UNC5C: variants seen among roughly 807,000 people sequenced by gnomAD.
The protein encoded by UNC5C is netrin receptor UNC5C.
UNC5C carries 47 observed loss-of-function variants against 99.8 expected under a neutral mutation model. The observed-to-expected ratio is 0.47, with a 90% CI of 0.37 to 0.60. The LOEUF (loss-of-function observed/expected upper bound fraction) is 0.60, where lower values mean the gene tolerates loss of function less well. Ranked by LOEUF, UNC5C falls within the 20% of genes least tolerant of loss-of-function variation. The probability of loss-of-function intolerance (pLI) is 0.00; values close to 1 mark genes in which losing one functional copy is unlikely to be tolerated. For synonymous variants in UNC5C, 487 were observed against 452.2 expected, an observed-to-expected ratio of 1.08 and a Z score of -0.98; for missense variants, 1,062 against 1,165.9, an observed-to-expected ratio of 0.91 and a Z score of 1.30.
chr4:95,234,781 C>T (rs1390580020), intron 7 of UNC5C, among the ~76,000 whole-genome samples: 2 of 152,110 alleles, frequency 1.3e-5, no homozygotes, highest in East Asian at 3.9e-4. Context: ...CAGTGTAATA[C>T]ATATATATTA....
chr4:95,209,484 T>C (rs555021142), intron 10 of UNC5C, among the ~76,000 whole-genome samples: 1 of 152,312 alleles, frequency 6.6e-6, no homozygotes, highest in African/African-American at 2.4e-5. Flanking sequence ...TTTTCTTTCT[T>C]CCTATTTAGA....
intron 12 of UNC5C, among the ~76,000 whole-genome samples, chr4:95,186,324 A>G (rs1167285484): frequency 6.6e-6 from 1 of 152,218 alleles, no homozygotes; most frequent in African/African-American, 2.4e-5. Context: ...GTTCATTCAG[A>G]CTGTAACATG....
Position 95,330,835 on chromosome 4 carries a change from T to A in UNC5C, c.346+4575A>T, listed in dbSNP as rs534484891. On this transcript the variant is annotated intron_variant, in intron 2 of 15. Transcript: ENST00000453304. ...ACTTCATTCTTTTTATTTGTAGTAA[T>A]TTATGGGATATAAGTATAATTTGTT... 1.1e-4 allele frequency among the ~76,000 whole-genome samples: 16 copies of A among 152,230 alleles called. 1 individual carries two copies. The highest frequency in any genetic ancestry group is 3.9e-4 in the African/African-American group (16 of 41,556).
At chr4:95,216,037 A>C in intron 10 of UNC5C, 87 bp downstream of exon 10, 2 of 1,174,636 alleles carry the variant, frequency 1.7e-6, no homozygotes, top group South Asian at 2.9e-5. Context: ...TTGAGACAAA[A>C]ATATGTTGGG....
intron 2 of UNC5C, among the ~76,000 whole-genome samples, chr4:95,324,038 AAAAT>A (rs539177510): frequency 6.6e-6 from 1 of 151,862 alleles, no homozygotes; most frequent in South Asian, 2.1e-4. Context: ...TCCATCTCAA[AAAAT>A]AAATAAATAA....
At chr4:95,218,826 T>C in intron 9 of UNC5C, 143 bp downstream of exon 9, 2 of 764,168 alleles carry the variant, frequency 2.6e-6, no homozygotes, top group Non-Finnish European at 4.1e-6. Context: ...TAATGTTCTG[T>C]TTACATTGAA....
chr4:95,166,370 G>C lies in UNC5C; in HGVS notation c.*2864C>G, dbSNP rs766690767. The C allele has an allele frequency of 1.3e-5, 2 of 152,224 alleles. No individual in the cohort carries two copies. Among genetic ancestry groups the C allele is most frequent in the South Asian group, 4.1e-4 (2 of 4,836 alleles). The allele number at this position is 152,224 out of a possible 1,614,324, so 9.4% of individuals were successfully genotyped here. A position where few individuals can be genotyped will look rare whatever the true frequency, so the allele number is the denominator to read the frequency against. ...TGGTATAAATAGTGTATGTATGGAA[G>C]TTGTCATTCACTTAATAGGAAACAT... On this transcript the variant is annotated 3_prime_UTR_variant, in exon 16 of 16. Coordinates refer to ENST00000453304, the MANE Select transcript of UNC5C (RefSeq NM_003728.4).
chr4:95,234,292 C>T (rs1459016513), intron 7 of UNC5C, among the ~76,000 whole-genome samples: 2 of 151,996 alleles, frequency 1.3e-5, no homozygotes, highest in Non-Finnish European at 2.9e-5. Context: ...TAAGTAAAAA[C>T]TGATATTTGT....
At chr4:95,285,053 G>A (rs978364949) in intron 3 of UNC5C, among the ~76,000 whole-genome samples, 9 of 152,138 alleles carry the variant, frequency 5.9e-5, no homozygotes, top group Non-Finnish European at 1.3e-4. Context: ...AAGCAGGCAG[G>A]TTGTGGATAC....
Position 95,486,429 on chromosome 4 carries a change from C to T in UNC5C, c.124+62305G>A, listed in dbSNP as rs1174925104. On this transcript the variant is annotated intron_variant, in intron 1 of 15. Transcript: ENST00000453304. Reference sequence around the variant, plus strand: ...TTGCTGTGTTGATACTCTGGCATCTCTTCTTGACATTTCTACTGTCACTGA... The same window carrying T: ...TTGCTGTGTTGATACTCTGGCATCTTTTCTTGACATTTCTACTGTCACTGA... Among the ~76,000 whole-genome samples the T allele has an allele frequency of 5.9e-5, 9 of 151,622 alleles. No individual in the cohort carries two copies. The Admixed American group carries it at 5.9e-4, about 10-fold the overall frequency.
chr4:95,489,956 T>C (rs7675905), intron 1 of UNC5C, among the ~76,000 whole-genome samples: 55,546 of 151,282 alleles, frequency 0.37, 10,702 homozygotes, highest in East Asian at 0.45. Flanking sequence ...TTTCAGTCCA[T>C]GGAACTTAAT....
chr4:95,381,597 A>T (rs1008010836), intron 1 of UNC5C, among the ~76,000 whole-genome samples: 2 of 152,202 alleles, frequency 1.3e-5, no homozygotes, highest in African/African-American at 4.8e-5. Flanking sequence ...TTAAATTTGG[A>T]ATATGTCTAA....
intron 11 of UNC5C, among the ~76,000 whole-genome samples, chr4:95,203,568 C>T (rs1358450457): frequency 1.3e-5 from 2 of 152,232 alleles, no homozygotes; most frequent in Non-Finnish European, 2.9e-5. Context: ...CCCCTAGGCC[C>T]AAGTGATCCC....
intron 2 of UNC5C, among the ~76,000 whole-genome samples, chr4:95,304,924 G>A (rs868840310): frequency 6.6e-6 from 1 of 152,184 alleles, no homozygotes; most frequent in Admixed American, 6.5e-5. Context: ...TAGGTCCACT[G>A]TATCCTTTAG....
chr4:95,432,773 A>G (rs1746667743), intron 1 of UNC5C, among the ~76,000 whole-genome samples: 1 of 152,164 alleles, frequency 6.6e-6, no homozygotes, highest in African/African-American at 2.4e-5. Flanking sequence ...CATTGAAAAC[A>G]TGGGGAGATC....
intron 3 of UNC5C, among the ~76,000 whole-genome samples, chr4:95,282,227 A>G (rs10516962): frequency 0.67 from 102,673 of 152,162 alleles, 35,686 homozygotes; most frequent in African/African-American, 0.85. Flanking sequence ...GGAAGTTAGC[A>G]TCAGAGCAGC....
At chr4:95,423,735 G>T (rs960452458) in intron 1 of UNC5C, among the ~76,000 whole-genome samples, 1 of 152,110 alleles carries the variant, frequency 6.6e-6, no homozygotes, top group Admixed American at 6.5e-5. Context: ...TCTGTAAAAG[G>T]TGCAGACTCT....
At chr4:95,544,673 T>C (rs1723012108) in intron 1 of UNC5C, among the ~76,000 whole-genome samples, 1 of 152,222 alleles carries the variant, frequency 6.6e-6, no homozygotes, top group African/African-American at 2.4e-5. Context: ...ACTTTACTTC[T>C]AATACCATAC....
intron 1 of UNC5C, among the ~76,000 whole-genome samples, chr4:95,475,810 C>T (rs544025702): frequency 3.3e-5 from 5 of 152,154 alleles, no homozygotes; most frequent in African/African-American, 7.2e-5. Flanking sequence ...CTGGCATAAG[C>T]CTGAATAAAA....
Sources: allele counts gnomAD v4.1 joint callset (sites outside exome capture counted in the v4.1 genomes callset), GRCh38; gene constraint gnomAD v4.1.1; transcripts MANE v1.5; gene names NCBI Gene and HGNC (gene_info 2026-07-23, HGNC 2026-07-21).